Variants in PDLIM4 observed in about 807,000 individuals in gnomAD.
PDLIM4 encodes the protein PDZ and LIM domain protein 4.
PDLIM4 carries 19 observed loss-of-function variants against 31.3 expected under a neutral mutation model. The ratio of observed to expected loss-of-function variants is 0.61; its 90% CI spans 0.42 to 0.89. The LOEUF (loss-of-function observed/expected upper bound fraction) is 0.89. Among genes scored for constraint, PDLIM4 ranks in the 40% least tolerant of loss-of-function variants. PDLIM4 has a pLI of 0.00. For synonymous variants in PDLIM4, 176 were observed against 190.1 expected (o/e 0.93, Z 0.61); for missense variants, 442 against 461.1 (o/e 0.96, Z 0.38).
In PDLIM4 at chr5:132,273,223, G is replaced by A. The variant is rs1254056255; in HGVS notation, c.*994G>A. 6.6e-6 allele frequency: 1 copy of A among 152,278 alleles called. No individual in the cohort carries two copies. The highest frequency in any genetic ancestry group is 1.5e-5 in the Non-Finnish European group (1 of 68,030). 9.4% of individuals were successfully genotyped at this position (152,278 alleles called of 1,614,324 possible). A position where few individuals can be genotyped will look rare whatever the true frequency, so the allele number is the denominator to read the frequency against. On this transcript the variant is annotated 3_prime_UTR_variant, in exon 7 of 7. Transcript: ENST00000253754. Reference sequence around the variant, plus strand: ...ATCTACCCTCTAGTTTACTTGCTCGGGAGAAGAAACTGACTCGTTTTATTT... The same window carrying A: ...ATCTACCCTCTAGTTTACTTGCTCGAGAGAAGAAACTGACTCGTTTTATTT...
At chr5:132,264,337 G>A (rs1226097156) in intron 2 of PDLIM4, among the ~76,000 whole-genome samples, 2 of 152,260 alleles carry the variant, frequency 1.3e-5, no homozygotes, top group African/African-American at 4.8e-5. Context: ...GCCCCAAAAT[G>A]TCACTGGCCA....
chr5:132,264,495 C>A (rs1189084446), intron 2 of PDLIM4, among the ~76,000 whole-genome samples: 2 of 152,120 alleles, frequency 1.3e-5, no homozygotes, highest in African/African-American at 4.8e-5. Context: ...ACTTCCTCAA[C>A]CAAAAATATG....
Position 132,262,761 on chromosome 5 carries a change from G to A in PDLIM4, c.245+1G>A. 1 of 1,611,148 alleles carries A rather than the reference G, an allele frequency of 6.2e-7. No homozygotes were observed. Among genetic ancestry groups the A allele is most frequent in the South Asian group, 1.1e-5 (1 of 90,628 alleles). ...ATCACCTCACACTGTCTGTGAGCAG[G>A]TATGCACAGGTGGGCTGGGCTGGGA... On this transcript the variant is annotated splice_donor_variant, in intron 2 of 6. Transcript: ENST00000253754. LOFTEE classifies it high-confidence loss of function.
Position 132,262,719 on chromosome 5 carries a change from C to T in PDLIM4, c.204C>T (p.Arg68=). 6.2e-7 allele frequency: 1 copy of T among 1,613,840 alleles called. No individual in the cohort carries two copies. The highest frequency in any genetic ancestry group is 2.2e-5 in the East Asian group (1 of 44,866). ...ELMTHLEAQN[R]IKGCHDHLTL... Reference sequence around the variant, plus strand: ...TGACACACCTGGAGGCACAGAACCGCATCAAGGGCTGCCACGATCACCTCA... The same window carrying T: ...TGACACACCTGGAGGCACAGAACCGTATCAAGGGCTGCCACGATCACCTCA... Residue 68 remains arginine (R), a synonymous_variant, in exon 2 of 7, where the codon CGC becomes CGT. Coordinates refer to ENST00000253754, the MANE Select transcript of PDLIM4 (RefSeq NM_003687.4).
At chr5:132,258,269 C>A (rs958913655) in intron 1 of PDLIM4, among the ~76,000 whole-genome samples, 3 of 152,196 alleles carry the variant, frequency 2.0e-5, no homozygotes, top group Admixed American at 1.3e-4. Context: ...CCAGGGAGGT[C>A]TGGGGTCCTC....
Position 132,263,635 on chromosome 5 carries a change from G to A in PDLIM4, c.245+875G>A, listed in dbSNP as rs74908729. ...CTGCCCACCTTGATCCACAGAAGTC[G>A]GGCATAACTTATCAGCTCTGCCGTG... On this transcript the variant is annotated intron_variant, in intron 2 of 6. Coordinates refer to ENST00000253754, the MANE Select transcript of PDLIM4 (RefSeq NM_003687.4). 5.6e-3 allele frequency among the ~76,000 whole-genome samples: 860 copies of A among 152,274 alleles called. 8 individuals carry two copies. Among genetic ancestry groups the A allele is most frequent in the African/African-American group, 0.019 (785 of 41,524 alleles).
rs1561525213 is a variant in PDLIM4, at chr5:132,273,254, C to T, written c.*1025C>T. The T allele has an allele frequency of 1.3e-5, 2 of 152,302 alleles. No individual in the cohort carries two copies. The highest frequency in any genetic ancestry group is 6.5e-5 in the Admixed American group (1 of 15,282). The allele number at this position is 152,302 out of a possible 1,614,324, so 9.4% of individuals were successfully genotyped here. ...GAAACTGACTCGTTTTATTTAGTGCCTATTTAGCGAGCCCAGAGTAACGTA... is the reference window on the plus strand; with the variant it reads ...GAAACTGACTCGTTTTATTTAGTGCTTATTTAGCGAGCCCAGAGTAACGTA... On this transcript the variant is annotated 3_prime_UTR_variant, in exon 7 of 7. Coordinates refer to ENST00000253754, the MANE Select transcript of PDLIM4 (RefSeq NM_003687.4).
chr5:132,257,803 C>A lies in PDLIM4; in HGVS notation c.69C>A (p.Phe23Leu). 6.6e-7 allele frequency: 1 copy of A among 1,504,996 alleles called. No homozygotes were observed. Among genetic ancestry groups the A allele is most frequent in the Non-Finnish European group, 8.8e-7 (1 of 1,131,038 alleles). The allele number at this position is 1,504,996 out of a possible 1,614,324, so 93.2% of individuals were successfully genotyped here. The change falls in exon 1 of 7, where the codon TTC becomes TTA. Residue 23 changes from phenylalanine to leucine, a missense_variant. Physicochemically the swap from Phe to Leu is conservative, Grantham distance 22. Transcript: ENST00000253754. This position sits in a 1 kb window ranked among gnomAD's most constrained non-coding sequence, Gnocchi z 4.3. ...TCCGCCTGGTGGGCGGCCGGGACTT[C>A]AGCGCGCCCCTCACCATCTCACGGG... ...WGFRLVGGRDFSAPLTISRVH... is the reference protein window; with the variant it reads ...WGFRLVGGRDLSAPLTISRVH...
chr5:132,271,689 T>G (rs1756622038), intron 5 of PDLIM4, 102 bp from the exon 6 acceptor site: 2 of 1,006,134 alleles, frequency 2.0e-6, no homozygotes, highest in Non-Finnish European at 3.2e-6. Context: ...CGTTCCCCAG[T>G]CTCGGGTGCC....
chr5:132,259,574 G>T (rs967531550), intron 1 of PDLIM4, among the ~76,000 whole-genome samples: 1 of 152,154 alleles, frequency 6.6e-6, no homozygotes, highest in Non-Finnish European at 1.5e-5. Flanking sequence ...GATTTACAGC[G>T]CTGGGGAGGC....
At chr5:132,260,833 C>T (rs924941696) in intron 1 of PDLIM4, among the ~76,000 whole-genome samples, 3 of 152,168 alleles carry the variant, frequency 2.0e-5, no homozygotes, top group Non-Finnish European at 4.4e-5. Flanking sequence ...GGCCTCACGC[C>T]CTCTCTGACC....
intron 3 of PDLIM4, 28 bp downstream of exon 3, chr5:132,266,573 C>G (rs2126676357): frequency 6.5e-7 from 1 of 1,544,886 alleles, no homozygotes; most frequent in Non-Finnish European, 8.9e-7. Flanking sequence ...CTGGCCTGGC[C>G]TGGCTCAGAG....
At chr5:132,262,881 T>C in intron 2 of PDLIM4, 121 bp downstream of exon 2, 1 of 865,916 alleles carries the variant, frequency 1.2e-6, no homozygotes. Context: ...GGGTGCCCCA[T>C]CCAGGAACAG....
intron 4 of PDLIM4, 85 bp downstream of exon 4, chr5:132,271,178 C>T: frequency 2.0e-6 from 3 of 1,504,352 alleles, no homozygotes; most frequent in Non-Finnish European, 2.7e-6. Flanking sequence ...CACTCTGACC[C>T]CTGACACTTG....
chr5:132,273,222 G>A lies in PDLIM4; in HGVS notation c.*993G>A, dbSNP rs1285274078. 6.6e-6 allele frequency: 1 copy of A among 152,276 alleles called. No homozygotes were observed. The highest frequency in any genetic ancestry group is 1.5e-5 in the Non-Finnish European group (1 of 68,036). The allele number at this position is 152,276 out of a possible 1,614,324, so 9.4% of individuals were successfully genotyped here. A position where few individuals can be genotyped will look rare whatever the true frequency, so the allele number is the denominator to read the frequency against. ...GATCTACCCTCTAGTTTACTTGCTCGGGAGAAGAAACTGACTCGTTTTATT... is the reference window on the plus strand; with the variant it reads ...GATCTACCCTCTAGTTTACTTGCTCAGGAGAAGAAACTGACTCGTTTTATT... On this transcript the variant is annotated 3_prime_UTR_variant, in exon 7 of 7. Coordinates refer to ENST00000253754, the MANE Select transcript of PDLIM4 (RefSeq NM_003687.4).
intron 5 of PDLIM4, 92 bp downstream of exon 5, chr5:132,271,558 A>G: frequency 2.2e-6 from 3 of 1,346,826 alleles, no homozygotes; most frequent in Non-Finnish European, 3.2e-6. Flanking sequence ...CCTCGCAGTC[A>G]CCTGCCCTCT....
At position 132,273,355 on chromosome 5, in the gene PDLIM4, C is replaced by A. The variant is rs969290640; in HGVS notation, c.*1126C>A. On this transcript the variant is annotated 3_prime_UTR_variant, in exon 7 of 7. Transcript: ENST00000253754. ...TATCAATTCACATTCATCATCAGCA[C>A]GAGACCCATTTCCTTGTGCTCCTGC... The A allele has an allele frequency of 7.1e-6, 1 of 140,900 alleles. No homozygotes were observed. The highest frequency in any genetic ancestry group is 2.1e-4 in the South Asian group (1 of 4,710). The allele number at this position is 140,900 out of a possible 1,614,324, so 8.7% of individuals were successfully genotyped here.
rs1249799838 is a variant in PDLIM4 at position 132,272,215 on chromosome 5, G to A, written c.979G>A (p.Val327Met). 1 of 1,613,886 alleles carries A rather than the reference G, an allele frequency of 6.2e-7. No individual in the cohort carries two copies. The highest frequency in any genetic ancestry group is 8.5e-7 in the Non-Finnish European group (1 of 1,179,904). ...GGTGGCGGTGTACCCCAATGCCAAG[G>A]TGGAACTCGTCTGAGCTGGGACCCT... ...DVVAVYPNAK[V>M]ELV Residue 327 changes from valine (V) to methionine (M), a missense_variant, in exon 7 of 7, where the codon GTG (valine) becomes ATG (methionine). Coordinates refer to ENST00000253754, the MANE Select transcript of PDLIM4 (RefSeq NM_003687.4).
Position 132,271,396 on chromosome 5 carries a change from C to T in PDLIM4, c.600C>T (p.Pro200=), listed in dbSNP as rs754780133. 3.7e-6 allele frequency: 6 copies of T among 1,608,032 alleles called. 1 individual carries two copies. The highest frequency in any genetic ancestry group is 2.2e-5 in the South Asian group (2 of 91,068). Residue 200 remains proline, a synonymous_variant, in exon 5 of 7, where the codon CCC becomes CCT. Coordinates refer to ENST00000253754, the MANE Select transcript of PDLIM4 (RefSeq NM_003687.4). The stretch of plus-strand genomic sequence containing the variant: ...GGATGCTGCGGGAGCCAGCCGAGCC[C>T]GTGGCCGCGGAGCCCAAGCAGTCAG... ...VYRMLREPAE[P]VAAEPKQSGS...
Sources: allele counts gnomAD v4.1 joint callset (sites outside exome capture counted in the v4.1 genomes callset), GRCh38; gene constraint gnomAD v4.1.1; non-coding constraint Gnocchi (gnomAD v3.1); transcripts MANE v1.5; gene names NCBI Gene and HGNC (gene_info 2026-07-23, HGNC 2026-07-21).